The following DDX46 variants were observed in gnomAD, a reference collection of about 807,000 sequenced individuals.
The protein encoded by DDX46 is DEAD-box helicase 46, also known as probable ATP-dependent RNA helicase DDX46.
In DDX46, 30 loss-of-function variants were observed where a neutral mutation model predicts 134.9. The observed-to-expected ratio is 0.22, with a 90% CI of 0.17 to 0.30. The LOEUF (loss-of-function observed/expected upper bound fraction) is 0.30, where lower values mean the gene tolerates loss of function less well. Ranked by LOEUF, DDX46 falls within the 10% of genes least tolerant of loss-of-function variation. The pLI is 1.00. For missense variants in DDX46, 622 were observed against 1,248.7 expected, an observed-to-expected ratio of 0.50 and a Z score of 7.56; for synonymous variants, 415 against 404.1, an observed-to-expected ratio of 1.03 and a Z score of -0.32.
Position 134,777,631 on chromosome 5 carries a change from A to C in DDX46, c.671A>C (p.Glu224Ala). The C allele has an allele frequency of 1.2e-6, 2 of 1,613,826 alleles. No homozygotes were observed. The highest frequency in any genetic ancestry group is 1.7e-6 in the Non-Finnish European group (2 of 1,179,934). Residue 224 changes from glutamate (E) to alanine (A), a missense_variant, in exon 6 of 23, where the codon GAG (glutamate) becomes GCG (alanine). By Grantham distance (107) the Glu-to-Ala change is moderately radical (BLOSUM62 -1). Around this residue, in one of 8 missense-constraint regions of DDX46, gnomAD observed 244 missense variants for 349.3 expected, o/e 0.70. Transcript: ENST00000452510. Reference sequence around the variant, plus strand: ...GAGGGAAATGAAATGGAGGGTGAGGAGTTAGATCCATTAGATGCTTACATG... The same window carrying C: ...GAGGGAAATGAAATGGAGGGTGAGGCGTTAGATCCATTAGATGCTTACATG... The part of the protein sequence containing the change: ...EKEGNEMEGE[E>A]LDPLDAYMEE...
At chr5:134,826,039 G>A (rs1030770322) in intron 21 of DDX46, 3 of 151,962 alleles carry the variant, frequency 2.0e-5, no homozygotes, top group Non-Finnish European at 4.4e-5. Flanking sequence ...TACCTCAAAA[G>A]TGTGCTCTTG....
intron 15 of DDX46, among the ~76,000 whole-genome samples, chr5:134,797,953 C>T (rs1226184928): frequency 6.6e-5 from 10 of 152,072 alleles, no homozygotes; most frequent in African/African-American, 2.4e-4. Context: ...GCTGGGATTA[C>T]AGACATGCAC....
At chr5:134,770,639 C>T (rs1753733355) in intron 3 of DDX46, among the ~76,000 whole-genome samples, 1 of 152,016 alleles carries the variant, frequency 6.6e-6, no homozygotes, top group African/African-American at 2.4e-5. Context: ...TGGTGAAAAC[C>T]TGTCTCTACT....
intron 15 of DDX46, among the ~76,000 whole-genome samples, chr5:134,806,170 G>A (rs1229206389): frequency 1.3e-5 from 2 of 151,438 alleles, no homozygotes; most frequent in Non-Finnish European, 2.9e-5. Flanking sequence ...TCCAGATCAC[G>A]CTATTGCACA....
chr5:134,801,149 G>A (rs921999009), intron 15 of DDX46, among the ~76,000 whole-genome samples: 1 of 151,970 alleles, frequency 6.6e-6, no homozygotes, highest in African/African-American at 2.4e-5. Context: ...TAAAAAATTA[G>A]CCTCCCAGCT....
chr5:134,793,647 C>T (rs964753409), intron 13 of DDX46, among the ~76,000 whole-genome samples: 6 of 152,076 alleles, frequency 3.9e-5, no homozygotes, highest in East Asian at 1.9e-4. Context: ...TCAAGTGATC[C>T]GCCTGCCTTG....
intron 2 of DDX46, among the ~76,000 whole-genome samples, chr5:134,764,899 CTCTT>C (rs1031365450): frequency 6.6e-6 from 1 of 151,448 alleles, no homozygotes; most frequent in African/African-American, 2.4e-5. Context: ...TCCTCCCTCA[CTCTT>C]TCTCTCTTTC....
At chr5:134,786,143 C>G (rs987301586) in intron 11 of DDX46, among the ~76,000 whole-genome samples, 2 of 152,152 alleles carry the variant, frequency 1.3e-5, no homozygotes, top group Non-Finnish European at 2.9e-5. Context: ...GCCACCGTGC[C>G]TGACCAATCT....
At chr5:134,788,641 T>A (rs1262910461) in intron 12 of DDX46, 50 bp downstream of exon 12, 1 of 1,521,958 alleles carries the variant, frequency 6.6e-7, no homozygotes, top group African/African-American at 1.4e-5. Flanking sequence ...ATTCTTTACT[T>A]TTTTTTGTTA....
chr5:134,807,085 G>A (rs374958095), intron 15 of DDX46, among the ~76,000 whole-genome samples: 1 of 144,546 alleles, frequency 6.9e-6, no homozygotes, highest in Admixed American at 7.1e-5. Flanking sequence ...ACAGAGTCAT[G>A]CTCTGTCGCC....
rs1166790342 is a variant in DDX46 at position 134,829,442 on chromosome 5, A to G, written c.*736A>G. On this transcript the variant is annotated 3_prime_UTR_variant, in exon 23 of 23. Coordinates refer to ENST00000452510, the MANE Select transcript of DDX46 (RefSeq NM_001300860.2). ...TTCCTTAAAAGAAAGAGTGTAGCCTATAAATACTAAATATGATACCTTTTC... is the reference window on the plus strand; with the variant it reads ...TTCCTTAAAAGAAAGAGTGTAGCCTGTAAATACTAAATATGATACCTTTTC... 6.6e-6 allele frequency: 1 copy of G among 151,856 alleles called. No homozygotes were observed. Among genetic ancestry groups the G allele is most frequent in the African/African-American group, 2.4e-5 (1 of 41,408 alleles). 9.4% of individuals were successfully genotyped at this position (151,856 alleles called of 1,614,324 possible).
chr5:134,781,621 T>G (rs1177465787), intron 7 of DDX46, among the ~76,000 whole-genome samples: 1 of 152,170 alleles, frequency 6.6e-6, no homozygotes, highest in Non-Finnish European at 1.5e-5. Context: ...TTTAGCTTTA[T>G]ATTGGCATTT....
intron 1 of DDX46, among the ~76,000 whole-genome samples, chr5:134,761,182 C>T (rs1214297374): frequency 6.6e-6 from 1 of 152,098 alleles, no homozygotes; most frequent in South Asian, 2.1e-4. Flanking sequence ...TGTGCCACCA[C>T]GCTTTGCTAA....
At chr5:134,783,769 G>A (rs1344790161) in intron 9 of DDX46, among the ~76,000 whole-genome samples, 1 of 147,782 alleles carries the variant, frequency 6.8e-6, no homozygotes, top group Non-Finnish European at 1.5e-5. Context: ...GGGTGGTCTC[G>A]AACTCTCTAC....
intron 20 of DDX46, among the ~76,000 whole-genome samples, chr5:134,818,579 G>A (rs1459183823): frequency 6.6e-6 from 1 of 151,476 alleles, no homozygotes; most frequent in Non-Finnish European, 1.5e-5. Flanking sequence ...GCGCATGCCT[G>A]TAATCCCAGC....
At chr5:134,787,623 A>G (rs1325813425) in intron 11 of DDX46, among the ~76,000 whole-genome samples, 2 of 152,228 alleles carry the variant, frequency 1.3e-5, no homozygotes, top group Admixed American at 1.3e-4. Context: ...AACATGGTAC[A>G]TGCCTGCACG....
At chr5:134,828,092 C>T (rs58006117) in intron 22 of DDX46, among the ~76,000 whole-genome samples, 103 of 152,214 alleles carry the variant, frequency 6.8e-4, no homozygotes, top group African/African-American at 2.2e-3. Flanking sequence ...CTGCCTTTCC[C>T]GAGGAGGTAG....
intron 16 of DDX46, 95 bp from the exon 17 acceptor site, chr5:134,811,126 C>T (rs182451849): frequency 1.2e-4 from 138 of 1,113,332 alleles, no homozygotes; most frequent in Non-Finnish European, 1.5e-4. Context: ...TTGTCAATCT[C>T]GAGGATTTAT....
At chr5:134,787,338 A>G (rs1332143640) in intron 11 of DDX46, among the ~76,000 whole-genome samples, 1 of 152,254 alleles carries the variant, frequency 6.6e-6, no homozygotes, top group African/African-American at 2.4e-5. Context: ...ATGTTGGAGT[A>G]TAAAAAGTTA....
Sources: allele counts gnomAD v4.1 joint callset (sites outside exome capture counted in the v4.1 genomes callset), GRCh38; gene constraint gnomAD v4.1.1; regional missense constraint gnomAD v4.1.1; transcripts MANE v1.5; gene names NCBI Gene and HGNC (gene_info 2026-07-23, HGNC 2026-07-21).